TRPM8: variants seen among roughly 807,000 people sequenced by gnomAD.
TRPM8 encodes the protein transient receptor potential cation channel subfamily M member 8, also known as TRPM8 cationic channel.
Under a neutral mutation model 133.7 loss-of-function variants are expected in TRPM8, and 110 were observed. The ratio of observed to expected loss-of-function variants is 0.82; its 90% CI spans 0.70 to 0.96. The LOEUF (loss-of-function observed/expected upper bound fraction) is 0.96, where lower values mean the gene tolerates loss of function less well. Among genes scored for constraint, TRPM8 ranks in the 40% least tolerant of loss-of-function variants. TRPM8 has a pLI of 0.00. For synonymous variants in TRPM8, 535 were observed against 532.3 expected (o/e 1.01, Z -0.07); for missense variants, 1,291 against 1,379.5 (o/e 0.94, Z 1.02).
chr2:233,974,034 C>A (rs1691801757), intron 17 of TRPM8, among the ~76,000 whole-genome samples: 1 of 152,190 alleles, frequency 6.6e-6, no homozygotes, highest in African/African-American at 2.4e-5. Context: ...ACAGCATTCC[C>A]AGCTTAGCTT....
intron 22 of TRPM8, among the ~76,000 whole-genome samples, chr2:234,003,158 G>T (rs1008231043): frequency 2.6e-5 from 4 of 152,188 alleles, no homozygotes; most frequent in African/African-American, 9.6e-5. Context: ...ATATTTCTGT[G>T]CTCTCCCTAT....
intron 12 of TRPM8, 44 bp from the exon 13 acceptor site, chr2:233,963,238 C>G (rs201941459): frequency 1.7e-4 from 241 of 1,384,268 alleles, no homozygotes; most frequent in South Asian, 3.7e-4. Context: ...GATCCCAGAA[C>G]AGTTTCCATT....
chr2:233,970,519 A>G, intron 17 of TRPM8, 93 bp downstream of exon 17: 1 of 1,221,904 alleles, frequency 8.2e-7, no homozygotes, highest in East Asian at 2.3e-5. Flanking sequence ...TCTGAAGTTC[A>G]AAAGTCACTA....
chr2:233,963,485 G>T, intron 13 of TRPM8, 108 bp downstream of exon 13: 1 of 653,030 alleles, frequency 1.5e-6, no homozygotes, highest in Non-Finnish European at 2.6e-6. Context: ...TCAGTGAAAT[G>T]GGATGTCTGA....
Position 233,927,962 on chromosome 2 carries a change from T to TCTCTCTCTCTCTC in TRPM8, c.117+1308_117+1309insCTCTCTCTCTCTC, listed in dbSNP as rs1559516800. ...TCTCTCTCTCTCTCTCTCTCTCTCT[T>TCTCTCTCTCTCTC]TCTTTCTTTCTTTCTTTTTTTTTTT... On this transcript the variant is annotated intron_variant, in intron 2 of 25. Coordinates refer to ENST00000324695, the MANE Select transcript of TRPM8 (RefSeq NM_024080.5). Among the ~76,000 whole-genome samples, 31 of 31,408 alleles carry TCTCTCTCTCTCTC rather than the reference T, an allele frequency of 9.9e-4. 2 individuals carry two copies. The highest frequency in any genetic ancestry group is 4.0e-3 in the Admixed American group (10 of 2,508). 20.6% of individuals were successfully genotyped at this position (31,408 alleles called of 152,430 possible). A position where few individuals can be genotyped will look rare whatever the true frequency, so the allele number is the denominator to read the frequency against.
chr2:234,014,615 C>A lies in TRPM8; in HGVS notation c.*3C>A. ...AGATTGCTAATAAAATCAAATAAAACTGTATGAACTCTAATGGAGAAAAAT... is the reference window on the plus strand; with the variant it reads ...AGATTGCTAATAAAATCAAATAAAAATGTATGAACTCTAATGGAGAAAAAT... On this transcript the variant is annotated 3_prime_UTR_variant, in exon 25 of 26. Coordinates refer to ENST00000324695, the MANE Select transcript of TRPM8 (RefSeq NM_024080.5). 2.0e-6 allele frequency: 3 copies of A among 1,513,546 alleles called. No homozygotes were observed. Among genetic ancestry groups the A allele is most frequent in the Non-Finnish European group, 2.7e-6 (3 of 1,119,094 alleles). The allele number at this position is 1,513,546 out of a possible 1,614,324, so 93.8% of individuals were successfully genotyped here.
At chr2:233,977,273 C>A (rs555013582) in intron 17 of TRPM8, among the ~76,000 whole-genome samples, 26 of 152,160 alleles carry the variant, frequency 1.7e-4, no homozygotes, top group Non-Finnish European at 2.9e-4. Context: ...TTTTGAGGCA[C>A]GTTGAATCTC....
chr2:233,926,011 C>A (rs537408387), intron 1 of TRPM8, among the ~76,000 whole-genome samples: 14 of 152,232 alleles, frequency 9.2e-5, no homozygotes, highest in African/African-American at 2.6e-4. Flanking sequence ...CTCAGGATGA[C>A]CTGGGACAGA....
At position 233,989,448 on chromosome 2, in the gene TRPM8, G is replaced by C. The variant is rs1310501683; in HGVS notation, c.2939+3583G>C. 1.3e-5 allele frequency among the ~76,000 whole-genome samples: 2 copies of C among 152,212 alleles called. No individual in the cohort carries two copies. Among genetic ancestry groups the C allele is most frequent in the South Asian group, 4.1e-4 (2 of 4,836 alleles). The stretch of plus-strand genomic sequence containing the variant: ...TGGGGAACCTCCTCGATTAGCTCCG[G>C]CTTAAACCAGAGGCCTTTTCCTGGC... On this transcript the variant is annotated intron_variant, in intron 21 of 25. Transcript: ENST00000324695. This position sits in a 1 kb window ranked among gnomAD's most constrained non-coding sequence, Gnocchi z 4.2.
Position 233,985,717 on chromosome 2 carries a change from T to G in TRPM8, c.2791T>G (p.Phe931Val). ...GTTYDFAHCT[F>V]TGNESKPLCV... ...CACGTATGACTTTGCCCACTGCACC[T>G]TCACTGGGAATGAGTCCAAGCCACT... The change falls in exon 21 of 26, where the codon TTC (phenylalanine) becomes GTC (valine). Residue 931 changes from phenylalanine (F) to valine (V), a missense_variant. By Grantham distance (50) the Phe-to-Val change is conservative (BLOSUM62 -1). This residue lies in a region of TRPM8 where 328 missense variants were observed against 410.6 expected (regional missense o/e 0.80). Transcript: ENST00000324695. 1 of 1,614,192 alleles carries G rather than the reference T, an allele frequency of 6.2e-7. No homozygotes were observed.
At chr2:233,998,292 A>C (rs187126822) in intron 22 of TRPM8, among the ~76,000 whole-genome samples, 47 of 152,348 alleles carry the variant, frequency 3.1e-4, no homozygotes, top group African/African-American at 1.1e-3. Flanking sequence ...AAGTGTTCTC[A>C]TATATATTAA....
chr2:233,930,189 G>A (rs1169416622), intron 2 of TRPM8, among the ~76,000 whole-genome samples: 1 of 152,228 alleles, frequency 6.6e-6, no homozygotes, highest in East Asian at 1.9e-4. Context: ...GTTTATAAAG[G>A]CTTTTGGTTT....
intron 1 of TRPM8, among the ~76,000 whole-genome samples, chr2:233,925,993 G>A (rs1691506398): frequency 1.3e-5 from 2 of 152,092 alleles, no homozygotes; most frequent in East Asian, 1.9e-4. Flanking sequence ...AGTCTTGGGC[G>A]TTAGAGTCTC....
rs28901875 is a variant in TRPM8 at position 233,974,292 on chromosome 2, G to C, written c.2355+3866G>C. On this transcript the variant is annotated intron_variant, in intron 17 of 25. Transcript: ENST00000324695. ...TCTGTTGCCCGGGCTGGAGTGCAATGGCGTGATCTTGGCTCACTGCAACCT... is the reference window on the plus strand; with the variant it reads ...TCTGTTGCCCGGGCTGGAGTGCAATCGCGTGATCTTGGCTCACTGCAACCT... 4.7e-3 allele frequency among the ~76,000 whole-genome samples: 720 copies of C among 152,100 alleles called. 8 individuals are homozygous for C. The highest frequency in any genetic ancestry group is 0.017 in the African/African-American group (689 of 41,484).
intron 5 of TRPM8, among the ~76,000 whole-genome samples, chr2:233,940,324 T>C (rs1313759698): frequency 6.6e-6 from 1 of 151,986 alleles, no homozygotes; most frequent in African/African-American, 2.4e-5. Context: ...CTGAGATGTT[T>C]TGTTTTGTTT....
At chr2:233,965,228 G>T (rs911063055) in intron 14 of TRPM8, among the ~76,000 whole-genome samples, 5 of 152,206 alleles carry the variant, frequency 3.3e-5, no homozygotes, top group Admixed American at 2.0e-4. Flanking sequence ...GCAGCAGCCT[G>T]AGTAGCATCT....
intron 8 of TRPM8, 77 bp from the exon 9 acceptor site, chr2:233,949,872 G>T: frequency 1.5e-6 from 2 of 1,370,684 alleles, no homozygotes; most frequent in Non-Finnish European, 2.0e-6. Context: ...CCTCCAGCTT[G>T]GCTCAGAACC....
chr2:233,984,535 T>C (rs1692093978), intron 20 of TRPM8, among the ~76,000 whole-genome samples: 1 of 152,204 alleles, frequency 6.6e-6, no homozygotes, highest in Admixed American at 6.5e-5. Context: ...CTCTATTCAA[T>C]TCATCCACTA....
chr2:233,952,035 C>G (rs894320341), intron 9 of TRPM8, among the ~76,000 whole-genome samples: 1 of 152,160 alleles, frequency 6.6e-6, no homozygotes, highest in Non-Finnish European at 1.5e-5. Context: ...GGTTATTCCC[C>G]CATGCCTATT....
Sources: gnomAD v4.1 joint callset for allele counts (sites outside exome capture counted in the v4.1 genomes callset) on GRCh38, gnomAD v4.1.1 for gene constraint, gnomAD v4.1.1 regional missense constraint, Gnocchi (gnomAD v3.1) non-coding constraint, MANE v1.5 for transcripts, NCBI Gene and HGNC (gene_info 2026-07-23, HGNC 2026-07-21) for gene names.